TET2: variants seen among roughly 807,000 people sequenced by gnomAD.
The protein encoded by TET2 is methylcytosine dioxygenase TET2.
TET2 carries 299 observed loss-of-function variants against 142.9 expected under a neutral mutation model. That is an observed-to-expected ratio of 2.09 (90% confidence interval 1.90 to 2.30). The LOEUF is 2.30. Ranked by LOEUF, TET2 falls within the 30% of genes most tolerant of loss-of-function variation. The probability of loss-of-function intolerance (pLI) is 0.00; values close to 1 mark genes in which losing one functional copy is unlikely to be tolerated. For synonymous variants in TET2, 819 were observed against 849.0 expected, an observed-to-expected ratio of 0.96 and a Z score of 0.61; for missense variants, 2,418 against 2,378.0, an observed-to-expected ratio of 1.02 and a Z score of -0.35.
At chr4:105,244,594 T>G (rs71591755) in intron 6 of TET2, among the ~76,000 whole-genome samples, 1 of 115,248 alleles carries the variant, frequency 8.7e-6, no homozygotes, top group East Asian at 2.1e-4. Flanking sequence ...ATGTTTTTTT[T>G]TTTTTTTTTT....
Position 105,276,498 on chromosome 4 carries a change from G to T in TET2, c.5988G>T (p.Gly1996=). Residue 1996 remains glycine (G), a synonymous_variant, in exon 11 of 11, where the codon GGG becomes GGT. Coordinates refer to ENST00000380013, the MANE Select transcript of TET2 (RefSeq NM_001127208.3). The part of the protein sequence containing the change: ...TSPYAFTRVT[G]PYNRYI Reference sequence around the variant, plus strand: ...CATATGCCTTCACTCGGGTCACAGGGCCTTACAACAGATATATATGATATC... The same window carrying T: ...CATATGCCTTCACTCGGGTCACAGGTCCTTACAACAGATATATATGATATC... 2 of 1,551,268 alleles carry T rather than the reference G, an allele frequency of 1.3e-6. No individual in the cohort carries two copies. Among genetic ancestry groups the T allele is most frequent in the Admixed American group, 3.9e-5 (2 of 50,926 alleles).
intron 2 of TET2, chr4:105,202,441 A>G (rs977367605): frequency 2.0e-5 from 3 of 152,152 alleles, no homozygotes; most frequent in Non-Finnish European, 4.4e-5. Context: ...GGTCCTCTAA[A>G]TCCTAGGTCG....
intron 4 of TET2, chr4:105,241,672 CCAGGCATGAA>C (rs1352495448): frequency 7.8e-7 from 1 of 1,280,852 alleles, no homozygotes; most frequent in Non-Finnish European, 9.9e-7. Context: ...GCCAGAAAAC[CCAGGCATGAA>C]CAGGAATCGG....
At chr4:105,222,271 A>G (rs1459557663) in intron 2 of TET2, among the ~76,000 whole-genome samples, 1 of 152,240 alleles carries the variant, frequency 6.6e-6, no homozygotes, top group Non-Finnish European at 1.5e-5. Context: ...CTAGTTCTAG[A>G]TCCCTGAGGA....
chr4:105,268,925 A>T (rs1268530729), intron 8 of TET2, among the ~76,000 whole-genome samples: 1 of 152,182 alleles, frequency 6.6e-6, no homozygotes, highest in African/African-American at 2.4e-5. Flanking sequence ...GTGAGCCCAG[A>T]TCGTGCCACT....
At chr4:105,275,008 C>CAAAG (rs1731127932) in intron 10 of TET2, 40 bp from the exon 11 acceptor site, 1 of 1,464,296 alleles carries the variant, frequency 6.8e-7, no homozygotes, top group East Asian at 2.5e-5. Context: ...TCATCAACAT[C>CAAAG]AAAGATACCT....
At position 105,207,720 on chromosome 4, in the gene TET2, C is replaced by G. The variant is rs116293016; in HGVS notation, c.-47+17215C>G. Reference sequence around the variant, plus strand: ...GCATTAGCAGAACAAATAAAGTTCACAGCTCTAGGAACCAAATTTAACTTT... The same window carrying G: ...GCATTAGCAGAACAAATAAAGTTCAGAGCTCTAGGAACCAAATTTAACTTT... On this transcript the variant is annotated intron_variant, in intron 2 of 10. Transcript: ENST00000380013. 6.6e-5 allele frequency among the ~76,000 whole-genome samples: 10 copies of G among 152,256 alleles called. 1 individual carries two copies. Among genetic ancestry groups the G allele is most frequent in the Admixed American group, 5.9e-4 (9 of 15,294 alleles).
In TET2 at chr4:105,198,047, G is replaced by T. The variant is rs548177452; in HGVS notation, c.-47+7542G>T. Reference sequence around the variant, plus strand: ...CCTACATAGTAAGTATTTAATAAATGTTTTTTGGGCCAGGTGAGGTAGCTC... The same window carrying T: ...CCTACATAGTAAGTATTTAATAAATTTTTTTTGGGCCAGGTGAGGTAGCTC... On this transcript the variant is annotated intron_variant, in intron 2 of 10. Transcript: ENST00000380013. 1.4e-4 allele frequency among the ~76,000 whole-genome samples: 21 copies of T among 152,212 alleles called. No individual in the cohort carries two copies. The Middle Eastern group carries it at 0.017, about 124-fold the overall frequency.
upstream of TET2, chr4:105,146,380 G>A (rs1427039191): frequency 6.6e-6 from 1 of 152,480 alleles, no homozygotes; most frequent in Non-Finnish European, 1.5e-5. Context: ...CGAGGTCCCC[G>A]GGGTTCCCGA....
intron 1 of TET2, among the ~76,000 whole-genome samples, chr4:105,186,082 G>A (rs558420400): frequency 2.0e-5 from 3 of 151,990 alleles, no homozygotes; most frequent in Non-Finnish European, 4.4e-5. Context: ...AACAAAAAAT[G>A]TGCTGGGTGT....
intron 3 of TET2, 52 bp downstream of exon 3, chr4:105,237,403 A>G (rs373704764): frequency 4.2e-5 from 67 of 1,613,898 alleles, no homozygotes; most frequent in Non-Finnish European, 5.6e-5. Context: ...GAATTAGCAA[A>G]TTTATCTTCA....
chr4:105,244,149 AAAGT>A (rs1205492687), intron 6 of TET2, among the ~76,000 whole-genome samples: 1 of 152,234 alleles, frequency 6.6e-6, no homozygotes, highest in Non-Finnish European at 1.5e-5. Flanking sequence ...TCTGAAACAG[AAAGT>A]AAGTCTAATG....
intron 8 of TET2, among the ~76,000 whole-genome samples, chr4:105,267,108 A>T (rs1278494143): frequency 6.6e-6 from 1 of 152,040 alleles, no homozygotes; most frequent in Non-Finnish European, 1.5e-5. Context: ...AAAAGAAAAA[A>T]GACTCTCCAC....
At chr4:105,188,030 A>T (rs368522142) in intron 1 of TET2, among the ~76,000 whole-genome samples, 30 of 152,332 alleles carry the variant, frequency 2.0e-4, no homozygotes, top group East Asian at 9.6e-4. Context: ...AGAATTGAAA[A>T]CATATGCCCA....
intron 2 of TET2, among the ~76,000 whole-genome samples, chr4:105,216,649 A>G (rs1578637573): frequency 6.6e-6 from 1 of 152,236 alleles, no homozygotes; most frequent in East Asian, 1.9e-4. Flanking sequence ...AGGTTAAAGC[A>G]GAACATTTAT....
intron 1 of TET2, among the ~76,000 whole-genome samples, chr4:105,156,863 G>A (rs1395415096): frequency 2.0e-5 from 3 of 152,044 alleles, no homozygotes. Context: ...TACTGTCCTG[G>A]TCTTATTAAT....
intron 6 of TET2, among the ~76,000 whole-genome samples, chr4:105,248,686 A>G (rs1208064205): frequency 6.6e-6 from 1 of 152,176 alleles, no homozygotes; most frequent in African/African-American, 2.4e-5. Flanking sequence ...TTACCCTTTT[A>G]AAGTATACAA....
In TET2 at chr4:105,236,031, C is replaced by CCAGTGTTGAAA; in HGVS notation, c.2093_2103dup (p.His702CysfsTer2). 6.2e-7 allele frequency: 1 copy of CCAGTGTTGAAA among 1,614,140 alleles called. No individual in the cohort carries two copies. The highest frequency in any genetic ancestry group is 8.5e-7 in the Non-Finnish European group (1 of 1,180,020). On this transcript the variant is annotated frameshift_variant, in exon 3 of 11. Coordinates refer to ENST00000380013, the MANE Select transcript of TET2 (RefSeq NM_001127208.3). LOFTEE classifies it high-confidence loss of function. Reference sequence around the variant, plus strand: ...TTCCCAAACTGAAAAACTTATGTCCCCAGTGTTGAAACAGCACTTGAATCA... The same window carrying CCAGTGTTGAAA: ...TTCCCAAACTGAAAAACTTATGTCCCCAGTGTTGAAACAGTGTTGAAACAGCACTTGAATCA...
intron 5 of TET2, among the ~76,000 whole-genome samples, chr4:105,243,151 C>T (rs1049123672): frequency 2.6e-5 from 4 of 152,198 alleles, no homozygotes; most frequent in African/African-American, 9.7e-5. Context: ...GAGGTCCATT[C>T]TAGTGCCTGC....
Sources: gnomAD v4.1 joint callset for allele counts (sites outside exome capture counted in the v4.1 genomes callset) on GRCh38, gnomAD v4.1.1 for gene constraint, MANE v1.5 for transcripts, NCBI Gene and HGNC (gene_info 2026-07-23, HGNC 2026-07-21) for gene names.